The following TPMT variants were observed in gnomAD, a reference collection of about 807,000 sequenced individuals.
The protein encoded by TPMT is S-adenosyl-L-methionine:thiopurine S-methyltransferase.
Under a neutral mutation model 34.2 loss-of-function variants are expected in TPMT, and 18 were observed. That is an observed-to-expected ratio of 0.53 (90% CI 0.36 to 0.78). TPMT has a LOEUF of 0.78. TPMT is among the 30% of genes least tolerant of loss of function. The pLI is 0.00. For synonymous variants in TPMT, 69 were observed against 92.4 expected, an observed-to-expected ratio of 0.75 and a Z score of 1.45; for missense variants, 265 against 288.1, an observed-to-expected ratio of 0.92 and a Z score of 0.58.
Position 18,128,326 on chromosome 6 carries a change from G to C in TPMT, c.*2342C>G, listed in dbSNP as rs1783863568. The C allele has an allele frequency of 6.6e-6, 1 of 152,162 alleles. No individual in the cohort carries two copies. The highest frequency in any genetic ancestry group is 6.5e-5 in the Admixed American group (1 of 15,270). 9.4% of individuals were successfully genotyped at this position (152,162 alleles called of 1,614,324 possible). A position where few individuals can be genotyped will look rare whatever the true frequency, so the allele number is the denominator to read the frequency against. On this transcript the variant is annotated 3_prime_UTR_variant, in exon 9 of 9. Coordinates refer to ENST00000309983, the MANE Select transcript of TPMT (RefSeq NM_000367.5). The surrounding 1 kb of genome is among the most constrained non-coding windows in gnomAD (Gnocchi z 4.6). The stretch of plus-strand genomic sequence containing the variant: ...ACAAGAAGCATTTTTGGAAAATCCT[G>C]AAAACAATTTAATTGCTCTAAAATA...
chr6:18,134,394 G>A (rs1784005081), intron 6 of TPMT, among the ~76,000 whole-genome samples: 1 of 152,142 alleles, frequency 6.6e-6, no homozygotes. Context: ...CCCCTCCAGG[G>A]GCCTTATGTA....
chr6:18,147,949 T>C (rs756258932), intron 2 of TPMT, 34 bp from the exon 3 acceptor site: 4 of 1,527,558 alleles, frequency 2.6e-6, no homozygotes, highest in South Asian at 2.3e-5. Flanking sequence ...TTTAGGACAA[T>C]TGTATGGTAG....
In TPMT at chr6:18,139,741, A is replaced by C. The variant is rs1784109067; in HGVS notation, c.367-24T>G. The C allele has an allele frequency of 7.1e-7, 1 of 1,408,418 alleles. No homozygotes were observed. Among genetic ancestry groups the C allele is most frequent in the Non-Finnish European group, 9.8e-7 (1 of 1,024,618 alleles). The allele number at this position is 1,408,418 out of a possible 1,614,324, so 87.2% of individuals were successfully genotyped here. A position where few individuals can be genotyped will look rare whatever the true frequency, so the allele number is the denominator to read the frequency against. On this transcript the variant is annotated intron_variant, in intron 4 of 8. Transcript: ENST00000309983. This position sits in a 1 kb window ranked among gnomAD's most constrained non-coding sequence, Gnocchi z 4.2. Reference sequence around the variant, plus strand: ...CTCTGTAATGAAATAATGAAAAAAAAATTTTTTTTTTTTACTTAGTAAGTA... The same window carrying C: ...CTCTGTAATGAAATAATGAAAAAAACATTTTTTTTTTTTACTTAGTAAGTA...
Position 18,137,194 on chromosome 6 carries a change from G to A in TPMT, c.494+1769C>T, listed in dbSNP as rs188823213. Reference sequence around the variant, plus strand: ...ACTCCGTTGCCCAGGCTGGAGTGCCGTGGCACAATCTCGGCTCACTGCAAC... The same window carrying A: ...ACTCCGTTGCCCAGGCTGGAGTGCCATGGCACAATCTCGGCTCACTGCAAC... On this transcript the variant is annotated intron_variant, in intron 6 of 8. Coordinates refer to ENST00000309983, the MANE Select transcript of TPMT (RefSeq NM_000367.5). 2.6e-5 allele frequency among the ~76,000 whole-genome samples: 4 copies of A among 151,566 alleles called. 1 individual carries two copies. Among genetic ancestry groups the A allele is most frequent in the Admixed American group, 2.0e-4 (3 of 15,220 alleles).
rs750976378 is a variant in TPMT at position 18,146,887 on chromosome 6, C to T, written c.233+936G>A. 1.3e-5 allele frequency among the ~76,000 whole-genome samples: 2 copies of T among 152,082 alleles called. No individual in the cohort carries two copies. The highest frequency in any genetic ancestry group is 2.9e-5 in the Non-Finnish European group (2 of 68,022). On this transcript the variant is annotated intron_variant, in intron 3 of 8. Transcript: ENST00000309983. This position sits in a 1 kb window ranked among gnomAD's most constrained non-coding sequence, Gnocchi z 6.2. ...TCCCAAAAAATGCATGCATACTCTG[C>T]GTTAGTCACCGATATTTATATTCAG...
intron 1 of TPMT, among the ~76,000 whole-genome samples, chr6:18,152,614 G>A (rs989832910): frequency 6.7e-6 from 1 of 148,978 alleles, no homozygotes; most frequent in African/African-American, 2.5e-5. Flanking sequence ...TTGAGATGGA[G>A]TTTCGCTCTT....
In TPMT at chr6:18,143,829, T is replaced by C; in HGVS notation, c.234-101A>G. ...ATATTTTCTTTAATTTAGAGGAATT[T>C]ATATGAATTCAGGTTCATAGGGTTT... On this transcript the variant is annotated intron_variant, in intron 3 of 8. Coordinates refer to ENST00000309983, the MANE Select transcript of TPMT (RefSeq NM_000367.5). This position sits in a 1 kb window ranked among gnomAD's most constrained non-coding sequence, Gnocchi z 6.1. 1.4e-6 allele frequency: 2 copies of C among 1,443,906 alleles called. No homozygotes were observed. Among genetic ancestry groups the C allele is most frequent in the Non-Finnish European group, 1.9e-6 (2 of 1,056,018 alleles). The allele number at this position is 1,443,906 out of a possible 1,614,324, so 89.4% of individuals were successfully genotyped here.
At chr6:18,144,849 T>C (rs1010220658) in intron 3 of TPMT, among the ~76,000 whole-genome samples, 45 of 151,128 alleles carry the variant, frequency 3.0e-4, no homozygotes, top group African/African-American at 9.2e-4. Flanking sequence ...GCCTCCAGAG[T>C]AGCTGGGATT....
Position 18,130,601 on chromosome 6 carries a change from A to G in TPMT, c.*67T>C, listed in dbSNP as rs1239353772. 2 of 1,055,546 alleles carry G rather than the reference A, an allele frequency of 1.9e-6. No homozygotes were observed. Among genetic ancestry groups the G allele is most frequent in the African/African-American group, 3.1e-5 (2 of 63,560 alleles). 65.4% of individuals were successfully genotyped at this position (1,055,546 alleles called of 1,614,324 possible). A position where few individuals can be genotyped will look rare whatever the true frequency, so the allele number is the denominator to read the frequency against. On this transcript the variant is annotated 3_prime_UTR_variant, in exon 9 of 9. Transcript: ENST00000309983. This position sits in a 1 kb window ranked among gnomAD's most constrained non-coding sequence, Gnocchi z 4.2. ...TTAAAAATTCATCCATTACATTTTC[A>G]GGCTTTAGCATAATTTTCAATTCCT... is the stretch of plus-strand genomic sequence containing the variant.
rs111436744 is a variant in TPMT at position 18,139,385 on chromosome 6, A to G, written c.419+280T>C. Among the ~76,000 whole-genome samples the G allele has an allele frequency of 2.7e-3, 410 of 152,326 alleles. 1 individual carries two copies. Among genetic ancestry groups the G allele is most frequent in the African/African-American group, 9.3e-3 (387 of 41,574 alleles). ...CCTTGGCTACTTGAAATTCATTTCT[A>G]TTACAGGCCCAGGTGCAAGGTAGAA... On this transcript the variant is annotated intron_variant, in intron 5 of 8. Transcript: ENST00000309983. This position sits in a 1 kb window ranked among gnomAD's most constrained non-coding sequence, Gnocchi z 4.2.
intron 4 of TPMT, among the ~76,000 whole-genome samples, chr6:18,141,808 A>G (rs1784147595): frequency 6.6e-6 from 1 of 152,200 alleles, no homozygotes; most frequent in South Asian, 2.1e-4. Flanking sequence ...CCTCTTAATG[A>G]AAAGCAGCCT....
chr6:18,146,944 C>T lies in TPMT; in HGVS notation c.233+879G>A, dbSNP rs1305568139. Among the ~76,000 whole-genome samples, 2 of 152,118 alleles carry T rather than the reference C, an allele frequency of 1.3e-5. No individual in the cohort carries two copies. The highest frequency in any genetic ancestry group is 1.5e-5 in the Non-Finnish European group (1 of 68,018). On this transcript the variant is annotated intron_variant, in intron 3 of 8. Transcript: ENST00000309983. The surrounding 1 kb of genome is among the most constrained non-coding windows in gnomAD (Gnocchi z 6.2). Reference sequence around the variant, plus strand: ...CCATTTTTTAGGTTATTATATTTTACATTTATTAATATTTTATTTTAAATT... The same window carrying T: ...CCATTTTTTAGGTTATTATATTTTATATTTATTAATATTTTATTTTAAATT...
rs1014029012 is a variant in TPMT, at chr6:18,150,046, T to G, written c.-44-875A>C. ...CCTGGAGATAGTGTCAGATTCTATA[T>G]GTTGGGGGCTCAGTCCCTAAGATTT... On this transcript the variant is annotated intron_variant, in intron 1 of 8. Coordinates refer to ENST00000309983, the MANE Select transcript of TPMT (RefSeq NM_000367.5). This position sits in a 1 kb window ranked among gnomAD's most constrained non-coding sequence, Gnocchi z 5.3. Among the ~76,000 whole-genome samples the G allele has an allele frequency of 3.9e-5, 6 of 152,154 alleles. No individual in the cohort carries two copies. Among genetic ancestry groups the G allele is most frequent in the African/African-American group, 1.4e-4 (6 of 41,432 alleles).
rs915332750 is a variant in TPMT at position 18,146,340 on chromosome 6, C to T, written c.233+1483G>A. ...TCAGCTTCTCAGGTAGTTGGGATTA[C>T]AAGCGTACGCTGCCATGCCTGGCTA... On this transcript the variant is annotated intron_variant, in intron 3 of 8. Transcript: ENST00000309983. This position sits in a 1 kb window ranked among gnomAD's most constrained non-coding sequence, Gnocchi z 6.2. Among the ~76,000 whole-genome samples the T allele has an allele frequency of 2.6e-5, 4 of 152,076 alleles. No homozygotes were observed. The highest frequency in any genetic ancestry group is 9.7e-5 in the African/African-American group (4 of 41,414).
rs1367780978 is a variant in TPMT at position 18,148,544 on chromosome 6, CACTT to C, written c.140+440_140+443del. On this transcript the variant is annotated intron_variant, in intron 2 of 8. Transcript: ENST00000309983. The surrounding 1 kb of genome is among the most constrained non-coding windows in gnomAD (Gnocchi z 4.1). ...TACTACATTGCACAACATCCTAACT[CACTT>C]TATAATTTCTCGCAACTTCTTTTCT... is the stretch of plus-strand genomic sequence containing the variant. Among the ~76,000 whole-genome samples the C allele has an allele frequency of 6.6e-6, 1 of 152,192 alleles. No homozygotes were observed. The highest frequency in any genetic ancestry group is 1.9e-4 in the East Asian group (1 of 5,192).
At chr6:18,137,230 C>T (rs973687791) in intron 6 of TPMT, among the ~76,000 whole-genome samples, 8 of 151,896 alleles carry the variant, frequency 5.3e-5, no homozygotes, top group Non-Finnish European at 8.8e-5. Context: ...CTCCACCTGC[C>T]GGGTTCAAGC....
chr6:18,143,469 T>C lies in TPMT; in HGVS notation c.366+127A>G. ...AGCCCTTGCTTCTTATACTATATAG[T>C]ATCTACAGTGAATCTGCGTGCTAAA... On this transcript the variant is annotated intron_variant, in intron 4 of 8. Transcript: ENST00000309983. The surrounding 1 kb of genome is among the most constrained non-coding windows in gnomAD (Gnocchi z 6.1). 7.4e-6 allele frequency: 9 copies of C among 1,214,968 alleles called. No individual in the cohort carries two copies. The highest frequency in any genetic ancestry group is 9.5e-6 in the Non-Finnish European group (8 of 838,450). The allele number at this position is 1,214,968 out of a possible 1,614,324, so 75.3% of individuals were successfully genotyped here. A position where few individuals can be genotyped will look rare whatever the true frequency, so the allele number is the denominator to read the frequency against.
chr6:18,155,144 GCCCCGCC>G (rs1784475503), upstream of TPMT: 1 of 33,640 alleles, frequency 3.0e-5, no homozygotes, highest in East Asian at 5.0e-4. The surrounding 1 kb of genome is among the most constrained non-coding windows in gnomAD (Gnocchi z 6.2). Context: ...CTCCGCCCGC[GCCCCGCC>G]TCCGCCCGCG....
chr6:18,133,414 T>C (rs1783983851), intron 7 of TPMT, among the ~76,000 whole-genome samples: 1 of 152,254 alleles, frequency 6.6e-6, no homozygotes, highest in Admixed American at 6.5e-5. Context: ...TCTCACCCCG[T>C]GCTTGTGTAT....
Sources: allele counts gnomAD v4.1 joint callset (sites outside exome capture counted in the v4.1 genomes callset), GRCh38; gene constraint gnomAD v4.1.1; non-coding constraint Gnocchi (gnomAD v3.1); transcripts MANE v1.5; gene names NCBI Gene and HGNC (gene_info 2026-07-23, HGNC 2026-07-21).